MYO9B: variants seen among roughly 807,000 people sequenced by gnomAD.
The protein encoded by MYO9B is myosin IXB.
MYO9B carries 71 observed loss-of-function variants against 229.5 expected under a neutral mutation model. That is an observed-to-expected ratio of 0.31 (90% CI 0.26 to 0.38). The LOEUF (loss-of-function observed/expected upper bound fraction) is 0.38, where lower values mean the gene tolerates loss of function less well. Among genes scored for constraint, MYO9B ranks in the 10% least tolerant of loss-of-function variants. The pLI is 1.00. For synonymous variants in MYO9B, 1,185 were observed against 1,235.8 expected (o/e 0.96, Z 0.86); for missense variants, 2,255 against 2,920.5 (o/e 0.77, Z 5.25).
intron 2 of MYO9B, among the ~76,000 whole-genome samples, chr19:17,128,459 C>G (rs1333509138): frequency 6.6e-6 from 1 of 152,228 alleles, no homozygotes; most frequent in Non-Finnish European, 1.5e-5. Flanking sequence ...CCGTGAAGCA[C>G]AGCCCCAGCT....
chr19:17,203,555 G>A (rs531709484), intron 30 of MYO9B, among the ~76,000 whole-genome samples: 420 of 150,832 alleles, frequency 2.8e-3, no homozygotes, highest in African/African-American at 9.7e-3. Context: ...GAAGGTTGCA[G>A]TGAGTCGAGA....
chr19:17,186,071 A>C (rs372074477), intron 18 of MYO9B, 70 bp downstream of exon 18: 1 of 1,388,488 alleles, frequency 7.2e-7, no homozygotes, highest in Non-Finnish European at 1.0e-6. Flanking sequence ...GTGTCCCTGC[A>C]TCCAGCCCCA....
chr19:17,116,864 C>T (rs2057909394), intron 2 of MYO9B, among the ~76,000 whole-genome samples: 1 of 152,176 alleles, frequency 6.6e-6, no homozygotes, highest in South Asian at 2.1e-4. Context: ...CCCAAATCCC[C>T]AGGTACTCCC....
At chr19:17,184,720 G>A in intron 16 of MYO9B, 145 bp from the exon 17 acceptor site, 2 of 1,003,448 alleles carry the variant, frequency 2.0e-6, no homozygotes, top group East Asian at 2.7e-5. Context: ...TCAATAGTGT[G>A]GTCCTGAGAC....
At chr19:17,102,643 A>G (rs2057756273) in intron 2 of MYO9B, 86 bp downstream of exon 2, 2 of 1,452,064 alleles carry the variant, frequency 1.4e-6, no homozygotes, top group Non-Finnish European at 1.8e-6. Flanking sequence ...GCCCACATCT[A>G]TAATCCCAAT....
chr19:17,210,417 C>G, intron 37 of MYO9B, 37 bp downstream of exon 37: 1 of 1,553,740 alleles, frequency 6.4e-7, no homozygotes, highest in Middle Eastern at 1.7e-4. Context: ...GTGCATGTCT[C>G]CCGGTGCAGT....
At chr19:17,152,753 A>G (rs151154920) in intron 4 of MYO9B, 47 bp downstream of exon 4, 111 of 1,522,668 alleles carry the variant, frequency 7.3e-5, no homozygotes, top group Non-Finnish European at 9.5e-5. Context: ...CGCCATGTCT[A>G]CGTTTCCTCC....
chr19:17,134,109 G>GCAA (rs2145186161), intron 2 of MYO9B, among the ~76,000 whole-genome samples: 1 of 152,102 alleles, frequency 6.6e-6, no homozygotes, highest in South Asian at 2.1e-4. Context: ...TACATGTGTA[G>GCAA]TTTGTTACAG....
At chr19:17,151,179 G>A (rs943742182) in intron 3 of MYO9B, among the ~76,000 whole-genome samples, 1 of 152,016 alleles carries the variant, frequency 6.6e-6, no homozygotes, top group African/African-American at 2.4e-5. Context: ...CTGGAAGGCT[G>A]AGGCAGGAGA....
intron 2 of MYO9B, among the ~76,000 whole-genome samples, chr19:17,131,944 A>G (rs1247229918): frequency 2.0e-5 from 3 of 152,052 alleles, no homozygotes; most frequent in East Asian, 1.9e-4. Flanking sequence ...TAATGGCACA[A>G]TCATGGCTCA....
At chr19:17,192,631 GT>G (rs2072997883) in intron 20 of MYO9B, 114 bp from the exon 21 acceptor site, 1 of 665,866 alleles carries the variant, frequency 1.5e-6, no homozygotes, top group Admixed American at 3.8e-5. Flanking sequence ...TAAAGCCCTG[GT>G]TGGTCAGCAC....
chr19:17,119,643 GTTTGT>G (rs1377844416), intron 2 of MYO9B, among the ~76,000 whole-genome samples: 1 of 151,762 alleles, frequency 6.6e-6, no homozygotes, highest in Admixed American at 6.6e-5. Context: ...TTGTTTGTTT[GTTTGT>G]TTTGTTTTGT....
rs935986416 is a variant in MYO9B, at chr19:17,195,751, A to G, written c.4046+278A>G. 1.3e-5 allele frequency among the ~76,000 whole-genome samples: 2 copies of G among 152,142 alleles called. No individual in the cohort carries two copies. The highest frequency in any genetic ancestry group is 2.1e-4 in the South Asian group (1 of 4,834). Reference sequence around the variant, plus strand: ...CTTGAGAGAGGTGGCTCCTCAGGTCAAGGTCCCTGCTGCCCAGAAATCTTG... The same window carrying G: ...CTTGAGAGAGGTGGCTCCTCAGGTCGAGGTCCCTGCTGCCCAGAAATCTTG... On this transcript the variant is annotated intron_variant, in intron 22 of 39. Transcript: ENST00000682292. The surrounding 1 kb of genome is among the most constrained non-coding windows in gnomAD (Gnocchi z 4.5).
At chr19:17,134,381 G>GTTTTTTTTTTTTTTTTTTTTTTTTTTTT (rs869297825) in intron 2 of MYO9B, among the ~76,000 whole-genome samples, 4 of 46,472 alleles carry the variant, frequency 8.6e-5, no homozygotes, top group African/African-American at 3.6e-4. Flanking sequence ...CGTTTTGTTT[G>GTTTTTTTTTTTTTTTTTTTTTTTTTTTT]TTTTTTTTTT....
Position 17,132,522 on chromosome 19 carries a change from A to AT in MYO9B, c.841-12873dup, listed in dbSNP as rs1406019859. Among the ~76,000 whole-genome samples, 477 of 80,646 alleles carry AT rather than the reference A, an allele frequency of 5.9e-3. 12 individuals are homozygous for AT. The highest frequency in any genetic ancestry group is 0.024 in the African/African-American group (428 of 17,820). The allele number at this position is 80,646 out of a possible 152,430, so 52.9% of individuals were successfully genotyped here. ...CTTATTTATTTATTTATTTATTATTATTATTTTTTTTTTTTTTTTTTTTTG... is the reference window on the plus strand; with the variant it reads ...CTTATTTATTTATTTATTTATTATTATTTATTTTTTTTTTTTTTTTTTTTTG... On this transcript the variant is annotated intron_variant, in intron 2 of 39. Coordinates refer to ENST00000682292, the MANE Select transcript of MYO9B (RefSeq NM_004145.4).
At chr19:17,180,796 T>G in intron 14 of MYO9B, 131 bp from the exon 15 acceptor site, 1 of 603,652 alleles carries the variant, frequency 1.7e-6, no homozygotes, top group Admixed American at 3.1e-5. Context: ...ACAGTGTCTT[T>G]CCCCCAGCTG....
intron 1 of MYO9B, among the ~76,000 whole-genome samples, chr19:17,099,668 A>G (rs2057725635): frequency 6.6e-6 from 1 of 151,998 alleles, no homozygotes; most frequent in African/African-American, 2.4e-5. Flanking sequence ...ACAAAAAAAA[A>G]TTAGCCAGGC....
chr19:17,212,453 C>A lies in MYO9B; in HGVS notation c.*143C>A. The A allele has an allele frequency of 9.3e-7, 1 of 1,070,960 alleles. No individual in the cohort carries two copies. The highest frequency in any genetic ancestry group is 1.3e-6 in the Non-Finnish European group (1 of 790,350). The allele number at this position is 1,070,960 out of a possible 1,614,324, so 66.3% of individuals were successfully genotyped here. A position where few individuals can be genotyped will look rare whatever the true frequency, so the allele number is the denominator to read the frequency against. The stretch of plus-strand genomic sequence containing the variant: ...AGTGACGTGAGGTGGGCACCGGCCC[C>A]AAGTGCAGAGTCAAGGCAGGGAGAG... On this transcript the variant is annotated 3_prime_UTR_variant, in exon 40 of 40. Coordinates refer to ENST00000682292, the MANE Select transcript of MYO9B (RefSeq NM_004145.4). The surrounding 1 kb of genome is among the most constrained non-coding windows in gnomAD (Gnocchi z 5.4).
intron 21 of MYO9B, among the ~76,000 whole-genome samples, chr19:17,194,182 TAAAA>T (rs1419628843): frequency 6.6e-6 from 1 of 151,010 alleles, no homozygotes; most frequent in Non-Finnish European, 1.5e-5. Context: ...AAAAATAAAA[TAAAA>T]TAAAATAAAA....
Sources: gnomAD v4.1 joint callset for allele counts (sites outside exome capture counted in the v4.1 genomes callset) on GRCh38, gnomAD v4.1.1 for gene constraint, Gnocchi (gnomAD v3.1) non-coding constraint, MANE v1.5 for transcripts, NCBI Gene and HGNC (gene_info 2026-07-23, HGNC 2026-07-21) for gene names.